Variants in ACTR3B observed in about 807,000 individuals in gnomAD.
ACTR3B encodes actin related protein 3B, also known as actin-related protein 3B.
A neutral mutation model predicts 59.0 loss-of-function variants in ACTR3B; 8 were observed. The observed-to-expected ratio is 0.14, with a 90% CI of 0.08 to 0.24. The LOEUF is 0.24. ACTR3B is among the 10% of genes least tolerant of loss of function. The probability of loss-of-function intolerance (pLI) is 1.00; values close to 1 mark genes in which losing one functional copy is unlikely to be tolerated. For synonymous variants in ACTR3B, 148 were observed against 197.9 expected, an observed-to-expected ratio of 0.75 and a Z score of 2.12; for missense variants, 245 against 552.3, an observed-to-expected ratio of 0.44 and a Z score of 5.58.
At chr7:152,766,402 C>T (rs2098110735) in intron 1 of ACTR3B, among the ~76,000 whole-genome samples, 1 of 152,162 alleles carries the variant, frequency 6.6e-6, no homozygotes, top group Non-Finnish European at 1.5e-5. Flanking sequence ...TCCAGAGTCC[C>T]AGAAGGAAAG....
chr7:152,782,831 A>G (rs1338846549), intron 1 of ACTR3B, among the ~76,000 whole-genome samples: 3 of 152,012 alleles, frequency 2.0e-5, no homozygotes, highest in African/African-American at 4.8e-5. Flanking sequence ...CCCTTTTCTC[A>G]TTTGCAAAAC....
chr7:152,767,722 T>A (rs1185617654), intron 1 of ACTR3B, among the ~76,000 whole-genome samples: 2 of 151,424 alleles, frequency 1.3e-5, no homozygotes, highest in Non-Finnish European at 2.9e-5. Flanking sequence ...ATGTATTTGA[T>A]TTTTTTTTGC....
intron 8 of ACTR3B, among the ~76,000 whole-genome samples, chr7:152,823,950 A>T (rs2689591): frequency 1.3e-5 from 2 of 152,262 alleles, no homozygotes. Context: ...GTCCTGCTCT[A>T]TTCCCTGCTG....
At chr7:152,809,519 C>T (rs1473694060) in intron 4 of ACTR3B, among the ~76,000 whole-genome samples, 1 of 151,908 alleles carries the variant, frequency 6.6e-6, no homozygotes, top group Non-Finnish European at 1.5e-5. Context: ...GGTTAGCACA[C>T]ACTTGTTTTT....
At chr7:152,789,549 A>AT (rs76565911) in intron 2 of ACTR3B, among the ~76,000 whole-genome samples, 1,895 of 141,444 alleles carry the variant, frequency 0.013, 100 homozygotes, top group African/African-American at 0.015. Flanking sequence ...GGTTTGTAAG[A>AT]TTTTTTTTTT....
At chr7:152,794,874 C>G (rs966154608) in intron 2 of ACTR3B, among the ~76,000 whole-genome samples, 1 of 152,178 alleles carries the variant, frequency 6.6e-6, no homozygotes, top group African/African-American at 2.4e-5. Flanking sequence ...CTGTCCTTTA[C>G]TTGTTTATAA....
chr7:152,850,556 C>T (rs963401757), intron 9 of ACTR3B, among the ~76,000 whole-genome samples: 4 of 152,266 alleles, frequency 2.6e-5, no homozygotes, highest in Non-Finnish European at 4.4e-5. Context: ...GCTTCTGCCC[C>T]GTTTCATTCT....
chr7:152,767,178 A>G (rs1381691406), intron 1 of ACTR3B, among the ~76,000 whole-genome samples: 2 of 151,924 alleles, frequency 1.3e-5, no homozygotes, highest in Non-Finnish European at 2.9e-5. Context: ...GGTATGAAGA[A>G]TGGACCCAGT....
At position 152,854,580 on chromosome 7, in the gene ACTR3B, G is replaced by T. The variant is rs1799109989; in HGVS notation, c.*27G>T. 1.2e-6 allele frequency: 2 copies of T among 1,606,302 alleles called. No individual in the cohort carries two copies. Among genetic ancestry groups the T allele is most frequent in the East Asian group, 4.5e-5 (2 of 44,852 alleles). On this transcript the variant is annotated 3_prime_UTR_variant, in exon 12 of 12. Coordinates refer to ENST00000256001, the MANE Select transcript of ACTR3B (RefSeq NM_020445.6). This position sits in a 1 kb window ranked among gnomAD's most constrained non-coding sequence, Gnocchi z 4.9. The stretch of plus-strand genomic sequence containing the variant: ...GTCTGCCTGAACGCGTCGTTCGATG[G>T]TGTCACGTTGGGGAACAAGTGTCCT...
chr7:152,781,183 C>G (rs1267384339), intron 1 of ACTR3B, among the ~76,000 whole-genome samples: 1 of 133,386 alleles, frequency 7.5e-6, no homozygotes, highest in African/African-American at 2.8e-5. Context: ...TTACCATATT[C>G]GTTTCAGTGG....
intron 9 of ACTR3B, among the ~76,000 whole-genome samples, chr7:152,830,194 G>A (rs887812639): frequency 4.3e-4 from 66 of 152,222 alleles, no homozygotes; most frequent in Non-Finnish European, 1.3e-4. Context: ...GGACAGGCCA[G>A]GTGGAGGGAA....
At chr7:152,780,486 A>G (rs1322900091) in intron 1 of ACTR3B, among the ~76,000 whole-genome samples, 4 of 151,870 alleles carry the variant, frequency 2.6e-5, no homozygotes, top group East Asian at 3.9e-4. Flanking sequence ...TATACTGTCT[A>G]AAAGAATGTT....
At chr7:152,823,621 C>G in intron 8 of ACTR3B, 106 bp downstream of exon 8, 1 of 1,350,108 alleles carries the variant, frequency 7.4e-7, no homozygotes, top group South Asian at 1.4e-5. Context: ...GCAGGGTGGC[C>G]GTCATTCGGT....
intron 3 of ACTR3B, among the ~76,000 whole-genome samples, chr7:152,800,921 T>C (rs1242952315): frequency 2.0e-5 from 3 of 152,238 alleles, no homozygotes; most frequent in African/African-American, 4.8e-5. Context: ...CTCTGGAAAA[T>C]TGTTGACAGG....
At chr7:152,801,343 G>A (rs1300031538) in intron 3 of ACTR3B, among the ~76,000 whole-genome samples, 1 of 152,216 alleles carries the variant, frequency 6.6e-6, no homozygotes, top group Non-Finnish European at 1.5e-5. Context: ...GCCTCCCAAA[G>A]CGTTGGATTA....
rs1554437812 is a variant in ACTR3B at position 152,795,037 on chromosome 7, T to TCTC, written c.101-5494_101-5493insCTC. Among the ~76,000 whole-genome samples the TCTC allele has an allele frequency of 1.4e-4, 18 of 126,390 alleles. No individual in the cohort carries two copies. The East Asian group carries it at 2.9e-3, about 20-fold the overall frequency. The allele number at this position is 126,390 out of a possible 152,430, so 82.9% of individuals were successfully genotyped here. Reference sequence around the variant, plus strand: ...AGAAAAAGGCTTCAGTTTCACTCTCTTTTTTTTTTTTTTTTGAGATGGAGT... The same window carrying TCTC: ...AGAAAAAGGCTTCAGTTTCACTCTCTCTCTTTTTTTTTTTTTTTGAGATGGAGT... On this transcript the variant is annotated intron_variant, in intron 2 of 11. Coordinates refer to ENST00000256001, the MANE Select transcript of ACTR3B (RefSeq NM_020445.6).
chr7:152,846,618 C>G (rs568038917), intron 9 of ACTR3B, among the ~76,000 whole-genome samples: 7 of 143,090 alleles, frequency 4.9e-5, no homozygotes, highest in Non-Finnish European at 7.6e-5. Flanking sequence ...AGCGCCCGGG[C>G]TGCAGTCTGT....
intron 1 of ACTR3B, among the ~76,000 whole-genome samples, chr7:152,769,551 A>G (rs2098119216): frequency 6.6e-6 from 1 of 152,076 alleles, no homozygotes; most frequent in Admixed American, 6.6e-5. Context: ...TTGTTGGATG[A>G]CTTAAGCTCA....
At chr7:152,838,409 A>G (rs1216820535) in intron 9 of ACTR3B, among the ~76,000 whole-genome samples, 1 of 152,262 alleles carries the variant, frequency 6.6e-6, no homozygotes, top group Non-Finnish European at 1.5e-5. Flanking sequence ...GCTGGAAACC[A>G]TCATTCTCAG....
Sources: allele counts gnomAD v4.1 joint callset (sites outside exome capture counted in the v4.1 genomes callset), GRCh38; gene constraint gnomAD v4.1.1; non-coding constraint Gnocchi (gnomAD v3.1); transcripts MANE v1.5; gene names NCBI Gene and HGNC (gene_info 2026-07-23, HGNC 2026-07-21).